The following RANBP10 variants were observed in gnomAD, a reference collection of about 807,000 sequenced individuals.
The protein encoded by RANBP10 is RAN binding protein 10.
In RANBP10, 24 loss-of-function variants were observed where a neutral mutation model predicts 72.8. The observed-to-expected ratio is 0.33, with a 90% confidence interval of 0.24 to 0.46. The LOEUF is 0.46. RANBP10 is among the 20% of genes least tolerant of loss of function. RANBP10 has a pLI of 1.00. For synonymous variants in RANBP10, 310 were observed against 322.3 expected (o/e 0.96, Z 0.41); for missense variants, 679 against 817.5 (o/e 0.83, Z 2.07).
chr16:67,750,692 G>T (rs1000675648), intron 3 of RANBP10, among the ~76,000 whole-genome samples: 1 of 150,960 alleles, frequency 6.6e-6, no homozygotes, highest in Admixed American at 6.6e-5. Context: ...CTGTATGACA[G>T]ATTTTTATGC....
intron 6 of RANBP10, 61 bp downstream of exon 6, chr16:67,734,797 C>T: frequency 1.4e-6 from 2 of 1,455,192 alleles, no homozygotes; most frequent in Non-Finnish European, 1.8e-6. Context: ...CCTACAGGGG[C>T]CTAGAGTGAA....
intron 3 of RANBP10, among the ~76,000 whole-genome samples, chr16:67,757,000 T>A (rs931785537): frequency 6.6e-6 from 1 of 151,994 alleles, no homozygotes; most frequent in Non-Finnish European, 1.5e-5. Flanking sequence ...AGGTCGGGAG[T>A]TCGAGACCAC....
intron 2 of RANBP10, among the ~76,000 whole-genome samples, chr16:67,793,613 C>T (rs1401630024): frequency 6.6e-6 from 1 of 151,742 alleles, no homozygotes; most frequent in Non-Finnish European, 1.5e-5. Flanking sequence ...TGCCCAGCCT[C>T]GCTTGTAATA....
rs543994390 is a variant in RANBP10 at position 67,723,121 on chromosome 16, GTTTT to G, written c.*3303_*3306del. 1 of 149,480 alleles carries G rather than the reference GTTTT, an allele frequency of 6.7e-6. No individual in the cohort carries two copies. Among genetic ancestry groups the G allele is most frequent in the East Asian group, 2.0e-4 (1 of 5,098 alleles). 9.3% of individuals were successfully genotyped at this position (149,480 alleles called of 1,614,324 possible). ...AATAATTCTGTCAAAATACAACAGA[GTTTT>G]TTTTTTGTCTCTCAAGTACAATTTT... is the stretch of plus-strand genomic sequence containing the variant. On this transcript the variant is annotated 3_prime_UTR_variant, in exon 14 of 14. Transcript: ENST00000317506.
intron 2 of RANBP10, among the ~76,000 whole-genome samples, chr16:67,773,267 G>A (rs779726427): frequency 2.6e-5 from 4 of 152,206 alleles, no homozygotes; most frequent in South Asian, 2.1e-4. Context: ...ACTTGTTCCC[G>A]TTGTTGCCAT....
chr16:67,732,424 CAT>C (rs2053751282), intron 6 of RANBP10, among the ~76,000 whole-genome samples: 1 of 151,748 alleles, frequency 6.6e-6, no homozygotes, highest in South Asian at 2.1e-4. Context: ...TTGGTGTGTA[CAT>C]GTGTCTGATG....
rs776208663 is a variant in RANBP10 at position 67,729,982 on chromosome 16, G to A, written c.954C>T (p.Tyr318=). The A allele has an allele frequency of 6.2e-7, 1 of 1,613,748 alleles. No homozygotes were observed. The highest frequency in any genetic ancestry group is 8.5e-7 in the Non-Finnish European group (1 of 1,180,036). ...TGGGGTTGTGCTCCAGCAGCCCTGG[G>A]TAGAAGCGCTGGGTGGTCTCGATGG... is the stretch of plus-strand genomic sequence containing the variant. ...GEAIETTQRF[Y]PGLLEHNPNL... Residue 318 remains tyrosine, a synonymous_variant, in exon 8 of 14, where the codon TAC becomes TAT. Coordinates refer to ENST00000317506, the MANE Select transcript of RANBP10 (RefSeq NM_020850.3). This position sits in a 1 kb window ranked among gnomAD's most constrained non-coding sequence, Gnocchi z 7.1.
chr16:67,772,185 G>A, intron 2 of RANBP10, 99 bp from the exon 3 acceptor site: 1 of 1,286,224 alleles, frequency 7.8e-7, no homozygotes, highest in African/African-American at 1.5e-5. Flanking sequence ...AGAAAAATGA[G>A]AAAAGCAATG....
intron 6 of RANBP10, 145 bp from the exon 7 acceptor site, chr16:67,731,729 G>T: frequency 6.5e-6 from 4 of 619,994 alleles, no homozygotes; most frequent in Non-Finnish European, 1.1e-5. Context: ...GAATAAAGGG[G>T]CTGAAACAAA....
chr16:67,744,080 G>A (rs770276861), intron 4 of RANBP10: 87 of 984,192 alleles, frequency 8.8e-5, no homozygotes, highest in Admixed American at 3.1e-4. Flanking sequence ...CATCCTCCCT[G>A]GGCTGGATAA....
In RANBP10 at chr16:67,772,053, G is replaced by A. The variant is rs776099136; in HGVS notation, c.381C>T (p.Val127=). ...YMGIGLSAQG[V]NMNRLPGWDK... is the part of the protein sequence containing the mutation. ...ACTCACCAGGAAGTCTGTTCATGTT[G>A]ACGCCTTGAGCCGAGAGTCCTATTC... Residue 127 remains valine (V), a synonymous_variant, in exon 3 of 14, where the codon GTC becomes GTT. Transcript: ENST00000317506. 6.3e-7 allele frequency: 1 copy of A among 1,590,952 alleles called. No homozygotes were observed. Among genetic ancestry groups the A allele is most frequent in the South Asian group, 1.1e-5 (1 of 90,020 alleles).
At chr16:67,760,806 C>T (rs537033980) in intron 3 of RANBP10, among the ~76,000 whole-genome samples, 7 of 152,314 alleles carry the variant, frequency 4.6e-5, no homozygotes, top group Non-Finnish European at 8.8e-5. Context: ...AAATTATCAA[C>T]TACCCAGCTC....
intron 4 of RANBP10, chr16:67,739,769 A>C (rs1413643980): frequency 6.6e-6 from 1 of 152,180 alleles, no homozygotes; most frequent in East Asian, 1.9e-4. Context: ...ACCCTGTCCC[A>C]AAAAAACAAA....
In RANBP10 at chr16:67,730,005, T is replaced by C. The variant is rs1300607634; in HGVS notation, c.931A>G (p.Ile311Val). ...GGGTAGAAGCGCTGGGTGGTCTCGA[T>C]GGCCTCGCCCACACGGCCCTCCAGC... Reference protein sequence around the residue: ...LVLEGRVGEAIETTQRFYPGL... With the variant: ...LVLEGRVGEAVETTQRFYPGL... Residue 311 changes from isoleucine to valine, a missense_variant, in exon 8 of 14, where the codon ATC becomes GTC. By Grantham distance (29) the Ile-to-Val change is conservative. Transcript: ENST00000317506. The surrounding 1 kb of genome is among the most constrained non-coding windows in gnomAD (Gnocchi z 4.3). 1.9e-6 allele frequency: 3 copies of C among 1,613,458 alleles called. No individual in the cohort carries two copies. The highest frequency in any genetic ancestry group is 2.5e-6 in the Non-Finnish European group (3 of 1,179,998).
At chr16:67,731,241 C>T (rs908447458) in intron 7 of RANBP10, 39 of 469,390 alleles carry the variant, frequency 8.3e-5, no homozygotes, top group Non-Finnish European at 1.5e-4. Flanking sequence ...CTGCGCCCAG[C>T]CTTCAGAATG....
At chr16:67,728,632 T>C (rs774626894) in intron 10 of RANBP10, 121 bp from the exon 11 acceptor site, 2 of 1,548,442 alleles carry the variant, frequency 1.3e-6, no homozygotes, top group African/African-American at 1.4e-5. Context: ...CCCAGGAACA[T>C]GAAAGGACAG....
chr16:67,754,264 G>C (rs574058099), intron 3 of RANBP10, among the ~76,000 whole-genome samples: 1 of 152,198 alleles, frequency 6.6e-6, no homozygotes, highest in African/African-American at 2.4e-5. Flanking sequence ...ATGGTGGCAG[G>C]TCCAGGGACT....
intron 2 of RANBP10, among the ~76,000 whole-genome samples, chr16:67,790,100 TAA>T (rs968491726): frequency 7.2e-6 from 1 of 138,312 alleles, no homozygotes; most frequent in Non-Finnish European, 1.6e-5. Flanking sequence ...TGTCTCAAAT[TAA>T]AAAAAAAAAA....
intron 3 of RANBP10, among the ~76,000 whole-genome samples, chr16:67,765,729 G>A (rs184377121): frequency 6.6e-6 from 1 of 152,010 alleles, no homozygotes; most frequent in Non-Finnish European, 1.5e-5. Context: ...TCAGCTACTC[G>A]AGAGGCTGAG....
Sources: gnomAD v4.1 joint callset for allele counts (sites outside exome capture counted in the v4.1 genomes callset) on GRCh38, gnomAD v4.1.1 for gene constraint, Gnocchi (gnomAD v3.1) non-coding constraint, MANE v1.5 for transcripts, NCBI Gene and HGNC (gene_info 2026-07-23, HGNC 2026-07-21) for gene names.